SOHLH2: variants seen among roughly 807,000 people sequenced by gnomAD.
SOHLH2 encodes spermatogenesis and oogenesis specific basic helix-loop-helix 2.
In SOHLH2, 22 loss-of-function variants were observed where a neutral mutation model predicts 50.4. The observed-to-expected ratio is 0.44, with a 90% confidence interval of 0.31 to 0.62. SOHLH2 has a LOEUF of 0.62. Ranked by LOEUF, SOHLH2 falls within the 20% of genes least tolerant of loss-of-function variation. The probability of loss-of-function intolerance (pLI) is 0.08; values close to 1 mark genes in which losing one functional copy is unlikely to be tolerated. For synonymous variants in SOHLH2, 185 were observed against 187.3 expected (o/e 0.99, Z 0.10); for missense variants, 412 against 504.4 (o/e 0.82, Z 1.76).
At chr13:36,214,040 ATT>A (rs774440035) in intron 1 of SOHLH2, among the ~76,000 whole-genome samples, 111 of 139,514 alleles carry the variant, frequency 8.0e-4, no homozygotes, top group Admixed American at 7.9e-4. Flanking sequence ...AAGGGCTAAG[ATT>A]TTTTTTTTTT....
At chr13:36,185,908 A>G (rs1320217985) in intron 6 of SOHLH2, among the ~76,000 whole-genome samples, 4 of 152,206 alleles carry the variant, frequency 2.6e-5, no homozygotes, top group Non-Finnish European at 5.9e-5. Context: ...CCAAGCCTAG[A>G]TGACTTCACC....
chr13:36,178,148 A>T (rs1887142139), intron 6 of SOHLH2, among the ~76,000 whole-genome samples: 1 of 152,098 alleles, frequency 6.6e-6, no homozygotes, highest in Non-Finnish European at 1.5e-5. Context: ...AATACTCAAT[A>T]ACCACATGTT....
intron 6 of SOHLH2, among the ~76,000 whole-genome samples, chr13:36,186,581 T>C (rs2045943861): frequency 6.6e-6 from 1 of 152,152 alleles, no homozygotes; most frequent in East Asian, 1.9e-4. Flanking sequence ...ATTTCCCTTC[T>C]TCTCAAGTGA....
At chr13:36,213,811 G>A (rs935016907) in intron 1 of SOHLH2, among the ~76,000 whole-genome samples, 1 of 152,154 alleles carries the variant, frequency 6.6e-6, no homozygotes. Context: ...ACTTTGGGAT[G>A]CCACGCCAGT....
In SOHLH2 at chr13:36,201,784, A is replaced by G. The variant is rs1868434741; in HGVS notation, c.263+95T>C. Reference sequence around the variant, plus strand: ...TCCCTGGCCCCTCAATTTGAAAAGTAAAATAGAAATATATCATCTTTTTAG... The same window carrying G: ...TCCCTGGCCCCTCAATTTGAAAAGTGAAATAGAAATATATCATCTTTTTAG... On this transcript the variant is annotated intron_variant, in intron 2 of 10. Transcript: ENST00000379881. The G allele has an allele frequency of 1.7e-5, 26 of 1,501,358 alleles. No individual in the cohort carries two copies. In the South Asian group the frequency reaches 3.4e-4, roughly 20 times the overall value. 93.0% of individuals were successfully genotyped at this position (1,501,358 alleles called of 1,614,324 possible).
At chr13:36,173,614 T>G in intron 9 of SOHLH2, 78 bp downstream of exon 9, 1 of 1,544,412 alleles carries the variant, frequency 6.5e-7, no homozygotes, top group Admixed American at 1.7e-5. Context: ...GTTATGGTGG[T>G]GAATGCACAG....
intron 6 of SOHLH2, among the ~76,000 whole-genome samples, chr13:36,188,178 A>G (rs759976003): frequency 1.8e-4 from 27 of 152,112 alleles, no homozygotes; most frequent in Non-Finnish European, 3.8e-4. Flanking sequence ...CCAGCTGAAA[A>G]CTATGAGTAC....
chr13:36,170,603 C>A lies in SOHLH2; in HGVS notation c.1185G>T (p.Pro395=). ...ISIHLPSAMP[P]VSKLLPRHCT... Reference sequence around the variant, plus strand: ...AGTGCCGAGGGAGAAGCTTTGAGACCGGGGGCATGGCTGAAGGTAAATGAA... The same window carrying A: ...AGTGCCGAGGGAGAAGCTTTGAGACAGGGGGCATGGCTGAAGGTAAATGAA... Residue 395 remains proline (P), a synonymous_variant, in exon 10 of 11, where the codon CCG becomes CCT. Coordinates refer to ENST00000379881, the MANE Select transcript of SOHLH2 (RefSeq NM_017826.3). 6.2e-7 allele frequency: 1 copy of A among 1,614,090 alleles called. No homozygotes were observed. Among genetic ancestry groups the A allele is most frequent in the South Asian group, 1.1e-5 (1 of 91,078 alleles).
At position 36,170,664 on chromosome 13, in the gene SOHLH2, T is replaced by TA. The variant is rs745727991; in HGVS notation, c.1123dup (p.Tyr375LeufsTer57). On this transcript the variant is annotated frameshift_variant, in exon 10 of 11. Coordinates refer to ENST00000379881, the MANE Select transcript of SOHLH2 (RefSeq NM_017826.3). LOFTEE classifies it high-confidence loss of function. ...CTGATTTGTTACAGCAGTTGCATCG[T>TA]AGGAAGGGGTGACTTTAGAATAATA... 10 of 1,614,066 alleles carry TA rather than the reference T, an allele frequency of 6.2e-6. No homozygotes were observed.
At chr13:36,214,088 T>C (rs575430181) in intron 1 of SOHLH2, among the ~76,000 whole-genome samples, 9 of 151,712 alleles carry the variant, frequency 5.9e-5, no homozygotes, top group Admixed American at 1.3e-4. Flanking sequence ...ATTGAGTAAT[T>C]GATGTGATGC....
At chr13:36,197,677 A>G (rs1887775458) in intron 2 of SOHLH2, among the ~76,000 whole-genome samples, 1 of 152,188 alleles carries the variant, frequency 6.6e-6, no homozygotes, top group Non-Finnish European at 1.5e-5. Context: ...CTAACCTGGT[A>G]TGACCTACAT....
chr13:36,180,719 GT>G (rs1203940739), intron 6 of SOHLH2, among the ~76,000 whole-genome samples: 1 of 138,314 alleles, frequency 7.2e-6, no homozygotes, highest in East Asian at 2.1e-4. Context: ...ATTTAATTTC[GT>G]TGTGGTCAGG....
At chr13:36,182,305 A>C (rs1490735272) in intron 6 of SOHLH2, 5 of 984,982 alleles carry the variant, frequency 5.1e-6, no homozygotes, top group Non-Finnish European at 6.0e-6. Flanking sequence ...TAAAAAGATA[A>C]GAGTTAAGAT....
At chr13:36,199,372 A>T (rs1446093669) in intron 2 of SOHLH2, among the ~76,000 whole-genome samples, 1 of 152,144 alleles carries the variant, frequency 6.6e-6, no homozygotes, top group South Asian at 2.1e-4. Context: ...GGAGCAAAAA[A>T]GCTAGAAGGC....
chr13:36,199,609 T>C (rs1307835728), intron 2 of SOHLH2, among the ~76,000 whole-genome samples: 1 of 152,232 alleles, frequency 6.6e-6, no homozygotes, highest in Non-Finnish European at 1.5e-5. Flanking sequence ...ACCGTTTGCA[T>C]AGCTATACAC....
intron 6 of SOHLH2, among the ~76,000 whole-genome samples, chr13:36,183,749 A>G (rs930339898): frequency 6.6e-5 from 10 of 152,318 alleles, no homozygotes; most frequent in African/African-American, 2.4e-4. Context: ...CCATGCAAAC[A>G]CTAATCACAA....
chr13:36,210,303 A>G (rs748119079), intron 1 of SOHLH2, among the ~76,000 whole-genome samples: 1 of 152,170 alleles, frequency 6.6e-6, no homozygotes, highest in Non-Finnish European at 1.5e-5. Context: ...TTCTGTCAAC[A>G]TTGAGCCTGG....
intron 2 of SOHLH2, among the ~76,000 whole-genome samples, chr13:36,196,898 TC>T (rs1887747898): frequency 6.6e-6 from 1 of 152,302 alleles, no homozygotes; most frequent in South Asian, 2.1e-4. Flanking sequence ...CGATAAGAGT[TC>T]CCAGAATCCA....
intron 6 of SOHLH2, among the ~76,000 whole-genome samples, chr13:36,187,238 C>G (rs1015777442): frequency 6.6e-6 from 1 of 151,954 alleles, no homozygotes; most frequent in African/African-American, 2.4e-5. Context: ...AAAACTAACA[C>G]GTAACTTTGG....
Sources: allele counts gnomAD v4.1 joint callset (sites outside exome capture counted in the v4.1 genomes callset), GRCh38; gene constraint gnomAD v4.1.1; transcripts MANE v1.5; gene names NCBI Gene and HGNC (gene_info 2026-07-23, HGNC 2026-07-21).